TRDMT1: variants seen among roughly 807,000 people sequenced by gnomAD.
TRDMT1 encodes the protein tRNA aspartic acid methyltransferase 1.
In TRDMT1, 49 loss-of-function variants were observed where a neutral mutation model predicts 51.2. The ratio of observed to expected loss-of-function variants is 0.96; its 90% CI spans 0.76 to 1.21. The LOEUF (loss-of-function observed/expected upper bound fraction) is 1.21, where lower values mean the gene tolerates loss of function less well. TRDMT1 is among the 50% of genes most tolerant of loss of function. The pLI is 0.00. For missense variants in TRDMT1, 534 were observed against 462.3 expected (o/e 1.16, Z -1.42); for synonymous variants, 187 against 164.6 (o/e 1.14, Z -1.04).
In TRDMT1 at chr10:17,139,262, T is replaced by G; in HGVS notation, c.*9778A>C. On this transcript the variant is annotated 3_prime_UTR_variant, in exon 11 of 11. Transcript: ENST00000377799. ...CCCTAAAATTCCCCAAACAAGGCGG[T>G]GAAGTTAAATATTTAGACACCATTC... is the stretch of plus-strand genomic sequence containing the variant. 1 of 955,650 alleles carries G rather than the reference T, an allele frequency of 1.0e-6. No individual in the cohort carries two copies. The highest frequency in any genetic ancestry group is 1.2e-6 in the Non-Finnish European group (1 of 802,794). 59.2% of individuals were successfully genotyped at this position (955,650 alleles called of 1,614,324 possible). A position where few individuals can be genotyped will look rare whatever the true frequency, so the allele number is the denominator to read the frequency against.
At chr10:17,171,421 C>T (rs946617392) in intron 2 of TRDMT1, 1 of 152,204 alleles carries the variant, frequency 6.6e-6, no homozygotes, top group African/African-American at 2.4e-5. Flanking sequence ...AGAGGGCCCT[C>T]ACGTATACAC....
At position 17,159,862 on chromosome 10, in the gene TRDMT1, T is replaced by G. The variant is rs146566375; in HGVS notation, c.459+443A>C. ...GTCTTATCATGATCAATTACTTAAA[T>G]TTCTTATCCATGAAATGGAAGCAGT... On this transcript the variant is annotated intron_variant, in intron 6 of 10. Coordinates refer to ENST00000377799, the MANE Select transcript of TRDMT1 (RefSeq NM_004412.7). Among the ~76,000 whole-genome samples, 7 of 152,304 alleles carry G rather than the reference T, an allele frequency of 4.6e-5. No homozygotes were observed. The East Asian group carries it at 1.2e-3, about 25-fold the overall frequency.
At chr10:17,162,435 C>T (rs1460552564) in intron 3 of TRDMT1, among the ~76,000 whole-genome samples, 198 bp from the exon 4 acceptor site, 1 of 152,142 alleles carries the variant, frequency 6.6e-6, no homozygotes, top group Non-Finnish European at 1.5e-5. Context: ...GGTCCAGGCG[C>T]AGAGGCTCAC....
Position 17,168,906 on chromosome 10 carries a change from G to T in TRDMT1, c.186C>A (p.Leu62=), listed in dbSNP as rs571212663. Residue 62 remains leucine (L), a synonymous_variant, in exon 3 of 11, where the codon CTC becomes CTA. Transcript: ENST00000377799. ...CAAAAGATAATCTGTCAAACTCTTC[G>T]AGTGTAATGCCCTGAGGAATGAACA... The part of the protein sequence containing the change: ...LLAKTIEGIT[L]EEFDRLSFDM... 2.5e-6 allele frequency: 4 copies of T among 1,610,562 alleles called. No homozygotes were observed. The East Asian group carries it at 6.7e-5, about 27-fold the overall frequency.
chr10:17,188,611 G>C (rs766500497), intron 1 of TRDMT1, among the ~76,000 whole-genome samples: 5 of 152,118 alleles, frequency 3.3e-5, no homozygotes, highest in South Asian at 2.1e-4. Context: ...TCTACTCAAA[G>C]TTCATGAAAT....
In TRDMT1 at chr10:17,139,447, G is replaced by T. The variant is rs1450613954; in HGVS notation, c.*9593C>A. The stretch of plus-strand genomic sequence containing the variant: ...GATGATATTTTGTGTTCTATTAGGG[G>T]AGGAGAGCAAGAGAGGTGAGGATGT... On this transcript the variant is annotated 3_prime_UTR_variant, in exon 11 of 11. Transcript: ENST00000377799. Among the ~76,000 whole-genome samples the T allele has an allele frequency of 1.3e-5, 2 of 152,108 alleles. No individual in the cohort carries two copies. The highest frequency in any genetic ancestry group is 4.8e-5 in the African/African-American group (2 of 41,410).
intron 1 of TRDMT1, chr10:17,200,434 T>A (rs1845995784): frequency 2.4e-5 from 4 of 166,804 alleles, no homozygotes. Context: ...AACTTAATGA[T>A]CATTAACCTA....
chr10:17,151,134 T>C, intron 10 of TRDMT1: 1 of 746,230 alleles, frequency 1.3e-6, no homozygotes, highest in African/African-American at 1.9e-5. Context: ...ATCTAAACTA[T>C]TAGGTTGGCA....
Position 17,162,703 on chromosome 10 carries a change from C to T in TRDMT1, c.252-466G>A, listed in dbSNP as rs114639229. On this transcript the variant is annotated intron_variant, in intron 3 of 10. Transcript: ENST00000377799. ...ATTAAAAATGCAAAAATCAGCCGGG[C>T]GTGGTGGGGTACGCCTGTAATCCCA... is the stretch of plus-strand genomic sequence containing the variant. Among the ~76,000 whole-genome samples the T allele has an allele frequency of 9.5e-3, 1,448 of 152,188 alleles. 19 individuals carry two copies. The highest frequency in any genetic ancestry group is 0.033 in the African/African-American group (1,385 of 41,514).
intron 1 of TRDMT1, among the ~76,000 whole-genome samples, chr10:17,186,619 A>G (rs1843965591): frequency 6.6e-6 from 1 of 152,208 alleles, no homozygotes; most frequent in Non-Finnish European, 1.5e-5. Context: ...GAATTATAAG[A>G]TAATAAACCT....
Position 17,157,640 on chromosome 10 carries a change from A to G in TRDMT1, c.688T>C (p.Phe230Leu). The change falls in exon 8 of 11, where the codon TTT becomes CTT. Residue 230 changes from phenylalanine to leucine, a missense_variant. Transcript: ENST00000377799. ...ATTTCTTCTGCAGTTTCAAGCTTAAAAAGAATGGCATCTTTTCCAGAACAC... is the reference window on the plus strand; with the variant it reads ...ATTTCTTCTGCAGTTTCAAGCTTAAGAAGAATGGCATCTTTTCCAGAACAC... Reference protein sequence around the residue: ...IQCSGKDAILFKLETAEEIHR... With the variant: ...IQCSGKDAILLKLETAEEIHR... The G allele has an allele frequency of 6.2e-7, 1 of 1,613,804 alleles. No individual in the cohort carries two copies. The highest frequency in any genetic ancestry group is 2.2e-5 in the East Asian group (1 of 44,854).
intron 1 of TRDMT1, among the ~76,000 whole-genome samples, chr10:17,183,486 C>G (rs891583450): frequency 1.3e-5 from 2 of 152,132 alleles, no homozygotes; most frequent in Non-Finnish European, 2.9e-5. Context: ...GGCATGATCT[C>G]AGCTCACTGC....
chr10:17,196,942 A>C (rs1395311625), intron 1 of TRDMT1, among the ~76,000 whole-genome samples: 2 of 152,182 alleles, frequency 1.3e-5, no homozygotes, highest in Admixed American at 6.5e-5. Flanking sequence ...TCCACCTCTC[A>C]AGGGAAAACT....
chr10:17,158,470 T>A (rs759502294), intron 7 of TRDMT1, among the ~76,000 whole-genome samples: 1 of 152,138 alleles, frequency 6.6e-6, no homozygotes, highest in Non-Finnish European at 1.5e-5. Context: ...AATATTAGTA[T>A]CATATTATAA....
chr10:17,151,573 C>T, intron 10 of TRDMT1: 1 of 985,564 alleles, frequency 1.0e-6, no homozygotes, highest in Non-Finnish European at 1.2e-6. Context: ...AGGGTAAGCT[C>T]AACTCCAAAA....
intron 1 of TRDMT1, among the ~76,000 whole-genome samples, chr10:17,199,418 C>A (rs1271511502): frequency 6.6e-6 from 1 of 152,098 alleles, no homozygotes; most frequent in Non-Finnish European, 1.5e-5. Flanking sequence ...CTGGATGAGG[C>A]AACAGCAAAA....
chr10:17,155,680 G>A lies in TRDMT1; in HGVS notation c.888-946C>T, dbSNP rs573862593. Among the ~76,000 whole-genome samples, 9 of 152,238 alleles carry A rather than the reference G, an allele frequency of 5.9e-5. No homozygotes were observed. In the South Asian group the frequency reaches 1.9e-3, roughly 32 times the overall value. On this transcript the variant is annotated intron_variant, in intron 8 of 10. Coordinates refer to ENST00000377799, the MANE Select transcript of TRDMT1 (RefSeq NM_004412.7). ...TTTCTCTCTCTAAGATTATTGCCAA[G>A]CTGGCTGTTCAACATATTAGCATTA...
intron 1 of TRDMT1, among the ~76,000 whole-genome samples, chr10:17,181,298 A>T (rs1233630118): frequency 6.6e-6 from 1 of 152,110 alleles, no homozygotes; most frequent in Non-Finnish European, 1.5e-5. Flanking sequence ...GCTGTGACGG[A>T]CCATGAAGGC....
chr10:17,198,300 T>A (rs1845715243), intron 1 of TRDMT1, among the ~76,000 whole-genome samples: 1 of 152,154 alleles, frequency 6.6e-6, no homozygotes, highest in Non-Finnish European at 1.5e-5. Flanking sequence ...CACTGCTAGG[T>A]CTATACCCCA....
Sources: allele counts gnomAD v4.1 joint callset (sites outside exome capture counted in the v4.1 genomes callset), GRCh38; gene constraint gnomAD v4.1.1; transcripts MANE v1.5; gene names NCBI Gene and HGNC (gene_info 2026-07-23, HGNC 2026-07-21).